Variants in KCNK10 observed in about 807,000 individuals in gnomAD.
The protein encoded by KCNK10 is potassium two pore domain channel subfamily K member 10.
A neutral mutation model predicts 47.7 loss-of-function variants in KCNK10; 25 were observed. The ratio of observed to expected loss-of-function variants is 0.52; its 90% CI spans 0.38 to 0.73. The LOEUF (loss-of-function observed/expected upper bound fraction) is 0.73, where lower values mean the gene tolerates loss of function less well. KCNK10 is among the 30% of genes least tolerant of loss of function. The probability of loss-of-function intolerance (pLI) is 0.00; values close to 1 mark genes in which losing one functional copy is unlikely to be tolerated. For missense variants in KCNK10, 563 were observed against 714.5 expected (o/e 0.79, Z 2.42); for synonymous variants, 303 against 285.6 (o/e 1.06, Z -0.61).
intron 1 of KCNK10, among the ~76,000 whole-genome samples, chr14:88,305,192 C>G (rs1888181554): frequency 6.6e-6 from 1 of 151,166 alleles, no homozygotes; most frequent in Admixed American, 6.6e-5. Context: ...GAACAAGACC[C>G]TAAGCTCGAA....
At chr14:88,196,461 T>G (rs1244205451) in intron 4 of KCNK10, among the ~76,000 whole-genome samples, 1 of 152,250 alleles carries the variant, frequency 6.6e-6, no homozygotes. Context: ...CAATGTTATT[T>G]TGGAGAGCAT....
intron 1 of KCNK10, among the ~76,000 whole-genome samples, chr14:88,318,475 A>T (rs1487936244): frequency 6.6e-6 from 1 of 152,224 alleles, no homozygotes; most frequent in African/African-American, 2.4e-5. Context: ...TAGGTGACAC[A>T]AGAGAAAATG....
intron 5 of KCNK10, among the ~76,000 whole-genome samples, chr14:88,188,435 T>C (rs191354624): frequency 6.6e-6 from 1 of 152,304 alleles, no homozygotes; most frequent in African/African-American, 2.4e-5. Context: ...GGACAACAGA[T>C]CAGGCCTGGT....
At chr14:88,261,496 T>C (rs1339144420) in intron 2 of KCNK10, among the ~76,000 whole-genome samples, 2 of 152,204 alleles carry the variant, frequency 1.3e-5, no homozygotes, top group East Asian at 1.9e-4. Context: ...CTCACACCTG[T>C]AATCCCAGCA....
At chr14:88,307,163 G>A (rs541284303) in intron 1 of KCNK10, among the ~76,000 whole-genome samples, 1 of 152,296 alleles carries the variant, frequency 6.6e-6, no homozygotes, top group African/African-American at 2.4e-5. Flanking sequence ...TTCAAGATGG[G>A]TGGCCATGAG....
chr14:88,256,993 G>A (rs575012555), intron 2 of KCNK10, among the ~76,000 whole-genome samples: 104 of 152,298 alleles, frequency 6.8e-4, no homozygotes, highest in Non-Finnish European at 1.0e-3. Flanking sequence ...AGGATTTAAC[G>A]TGGGGAGATT....
intron 1 of KCNK10, among the ~76,000 whole-genome samples, chr14:88,285,656 C>A (rs974237322): frequency 1.3e-5 from 2 of 152,122 alleles, no homozygotes; most frequent in African/African-American, 4.8e-5. Flanking sequence ...TTTAATACAA[C>A]TTAGGTTAAG....
intron 2 of KCNK10, among the ~76,000 whole-genome samples, chr14:88,245,962 G>A (rs1886626078): frequency 2.0e-5 from 3 of 152,278 alleles, no homozygotes; most frequent in Non-Finnish European, 2.9e-5. Context: ...CGTCCACCAC[G>A]TTCTTACTCC....
chr14:88,246,511 C>CTTTCACCT (rs946737920), intron 2 of KCNK10, among the ~76,000 whole-genome samples: 55 of 152,254 alleles, frequency 3.6e-4, no homozygotes, highest in African/African-American at 1.2e-3. Flanking sequence ...ATTACTTTTT[C>CTTTCACCT]TTTCACCTGC....
chr14:88,208,290 G>A (rs1429981875), intron 4 of KCNK10, among the ~76,000 whole-genome samples: 1 of 145,722 alleles, frequency 6.9e-6, no homozygotes, highest in Admixed American at 6.7e-5. Flanking sequence ...TTCTAGACAG[G>A]GGACAATACC....
intron 1 of KCNK10, among the ~76,000 whole-genome samples, chr14:88,272,685 G>A (rs992128453): frequency 6.6e-6 from 1 of 152,144 alleles, no homozygotes; most frequent in Non-Finnish European, 1.5e-5. Context: ...ACAGGGAGAA[G>A]AGCCAGGGGG....
intron 1 of KCNK10, among the ~76,000 whole-genome samples, chr14:88,314,969 CA>C (rs1888398687): frequency 6.6e-6 from 1 of 152,140 alleles, no homozygotes; most frequent in South Asian, 2.1e-4. Flanking sequence ...AGGACTCAGG[CA>C]ATCTAAGACT....
chr14:88,307,963 G>A (rs541356888), intron 1 of KCNK10, among the ~76,000 whole-genome samples: 1 of 152,200 alleles, frequency 6.6e-6, no homozygotes, highest in Admixed American at 6.5e-5. Flanking sequence ...CTAGGGAGCA[G>A]GTACTTTTAT....
intron 4 of KCNK10, among the ~76,000 whole-genome samples, chr14:88,197,532 CCACTG>C (rs1884953275): frequency 8.1e-6 from 1 of 123,608 alleles, no homozygotes; most frequent in Admixed American, 1.0e-4. Context: ...CAAGATTGCA[CCACTG>C]CACTCCAGCC....
chr14:88,296,212 T>C (rs921991311), intron 1 of KCNK10, among the ~76,000 whole-genome samples: 1 of 152,222 alleles, frequency 6.6e-6, no homozygotes, highest in African/African-American at 2.4e-5. Context: ...GGAAACTGCA[T>C]GGCACACTGG....
intron 4 of KCNK10, among the ~76,000 whole-genome samples, chr14:88,222,565 C>G (rs1267814965): frequency 6.6e-6 from 1 of 152,082 alleles, no homozygotes; most frequent in African/African-American, 2.4e-5. Flanking sequence ...AATGATGCAT[C>G]AATGTAGGTT....
chr14:88,283,614 A>G (rs976376169), intron 1 of KCNK10, among the ~76,000 whole-genome samples: 5 of 152,258 alleles, frequency 3.3e-5, no homozygotes, highest in African/African-American at 1.2e-4. Context: ...AAATGTAAAC[A>G]CAGATATAAA....
chr14:88,220,338 A>C (rs1595088023), intron 4 of KCNK10, among the ~76,000 whole-genome samples: 1 of 139,404 alleles, frequency 7.2e-6, no homozygotes. Flanking sequence ...AATGGCGTGA[A>C]CCCGGGAGGC....
At chr14:88,207,512 G>A (rs1460490868) in intron 4 of KCNK10, among the ~76,000 whole-genome samples, 1 of 152,176 alleles carries the variant, frequency 6.6e-6, no homozygotes, top group African/African-American at 2.4e-5. Context: ...GGGGGATTGT[G>A]CAGGATTAGG....
Sources: allele counts gnomAD v4.1 joint callset (sites outside exome capture counted in the v4.1 genomes callset), GRCh38; gene constraint gnomAD v4.1.1; transcripts MANE v1.5; gene names NCBI Gene and HGNC (gene_info 2026-07-23, HGNC 2026-07-21).